CAPG: variants seen among roughly 807,000 people sequenced by gnomAD.
CAPG encodes the protein capping actin protein, gelsolin like, also known as macrophage-capping protein.
CAPG carries 32 observed loss-of-function variants against 44.6 expected under a neutral mutation model. The observed-to-expected ratio is 0.72, with a 90% CI of 0.54 to 0.96. The LOEUF is 0.96. CAPG is among the 50% of genes least tolerant of loss of function. The pLI, the probability that CAPG is intolerant of heterozygous loss-of-function variation, is 0.00. For missense variants in CAPG, 412 were observed against 438.3 expected (o/e 0.94, Z 0.54); for synonymous variants, 175 against 179.6 (o/e 0.97, Z 0.20).
rs1424363139 is a variant in CAPG, at chr2:85,406,364, C to G, written c.-14+3953G>C. Among the ~76,000 whole-genome samples the G allele has an allele frequency of 2.0e-5, 3 of 152,150 alleles. No individual in the cohort carries two copies. The East Asian group carries it at 5.8e-4, about 29-fold the overall frequency. ...TTTGCTTGGCCAAACTTTAACTAGG[C>G]TTCTGAACCACCCCGTAGGCCCATC... On this transcript the variant is annotated intron_variant, in intron 1 of 9. Transcript: ENST00000263867.
Position 85,397,994 on chromosome 2 carries a change from C to G in CAPG, c.892+26G>C, listed in dbSNP as rs1686685384. On this transcript the variant is annotated intron_variant, in intron 8 of 9. Coordinates refer to ENST00000263867, the MANE Select transcript of CAPG (RefSeq NM_001747.4). The stretch of plus-strand genomic sequence containing the variant: ...CGGGTCAGAGCAGCTACAGGCATCT[C>G]AGGCTGTTACAGAGGAGCCACGTAC... 3.1e-6 allele frequency: 5 copies of G among 1,609,532 alleles called. No homozygotes were observed. The African/African-American group carries it at 4.0e-5, about 13-fold the overall frequency.
chr2:85,418,452 C>G (rs1432831349), upstream of CAPG: 1 of 152,284 alleles, frequency 6.6e-6, no homozygotes, highest in Non-Finnish European at 1.5e-5. Flanking sequence ...CGGCCCCAGC[C>G]TGGGCCCTAG....
chr2:85,406,327 T>C (rs1687153207), intron 1 of CAPG, among the ~76,000 whole-genome samples: 1 of 152,044 alleles, frequency 6.6e-6, no homozygotes, highest in Non-Finnish European at 1.5e-5. Context: ...ATGTCGGTAC[T>C]GACAAAGATT....
chr2:85,398,664 T>TG (rs1686726808), intron 7 of CAPG, 26 bp downstream of exon 7: 1 of 1,564,652 alleles, frequency 6.4e-7, no homozygotes, highest in Non-Finnish European at 8.7e-7. Flanking sequence ...TGCTGCCGGG[T>TG]CCCAGGGCAG....
intron 1 of CAPG, among the ~76,000 whole-genome samples, chr2:85,417,780 G>A (rs1356259057): frequency 6.6e-6 from 1 of 151,992 alleles, no homozygotes; most frequent in Non-Finnish European, 1.5e-5. Context: ...CACTGCGCCC[G>A]GCCATACCCT....
Position 85,395,426 on chromosome 2 carries a change from G to T in CAPG, c.981+112C>A, listed in dbSNP as rs1311445557. On this transcript the variant is annotated intron_variant, in intron 9 of 9. Transcript: ENST00000263867. The surrounding 1 kb of genome is among the most constrained non-coding windows in gnomAD (Gnocchi z 4.3). ...CTGGATGGGTCTAAGAGGGAGGCCT[G>T]GTTGTTCCTGACAGTGCCCAAGGCT... The T allele has an allele frequency of 2.6e-6, 2 of 777,712 alleles. No homozygotes were observed. Among genetic ancestry groups the T allele is most frequent in the East Asian group, 2.7e-5 (1 of 37,468 alleles). The allele number at this position is 777,712 out of a possible 1,614,324, so 48.2% of individuals were successfully genotyped here.
rs1686542507 is a variant in CAPG, at chr2:85,395,368, T to C, written c.981+170A>G. The stretch of plus-strand genomic sequence containing the variant: ...TCCTCTTTGAAAATAATAAGTATTT[T>C]GACATTTTGAAGGATTGAGATGGGC... On this transcript the variant is annotated intron_variant, in intron 9 of 9. Coordinates refer to ENST00000263867, the MANE Select transcript of CAPG (RefSeq NM_001747.4). The surrounding 1 kb of genome is among the most constrained non-coding windows in gnomAD (Gnocchi z 4.3). 1.6e-6 allele frequency: 1 copy of C among 624,038 alleles called. No homozygotes were observed. Among genetic ancestry groups the C allele is most frequent in the East Asian group, 2.8e-5 (1 of 36,310 alleles). The allele number at this position is 624,038 out of a possible 1,614,324, so 38.7% of individuals were successfully genotyped here.
At position 85,395,727 on chromosome 2, in the gene CAPG, C is replaced by T. The variant is rs1357679534; in HGVS notation, c.893-101G>A. Reference sequence around the variant, plus strand: ...TTAAGGGAGTCCACAGAAGAGCCAGCAATTTTTACAATAAATGGACCAGGG... The same window carrying T: ...TTAAGGGAGTCCACAGAAGAGCCAGTAATTTTTACAATAAATGGACCAGGG... On this transcript the variant is annotated intron_variant, in intron 8 of 9. Coordinates refer to ENST00000263867, the MANE Select transcript of CAPG (RefSeq NM_001747.4). This position sits in a 1 kb window ranked among gnomAD's most constrained non-coding sequence, Gnocchi z 4.3. 2 of 751,104 alleles carry T rather than the reference C, an allele frequency of 2.7e-6. No individual in the cohort carries two copies. The highest frequency in any genetic ancestry group is 4.4e-5 in the Admixed American group (2 of 45,014). 46.5% of individuals were successfully genotyped at this position (751,104 alleles called of 1,614,324 possible).
chr2:85,415,585 A>AGG (rs1243852114), intron 1 of CAPG, among the ~76,000 whole-genome samples: 3 of 152,212 alleles, frequency 2.0e-5, no homozygotes, highest in Non-Finnish European at 4.4e-5. Flanking sequence ...ACCTCTAGCC[A>AGG]GGGACCGTGT....
intron 1 of CAPG, among the ~76,000 whole-genome samples, chr2:85,403,739 T>G (rs1437930375): frequency 6.6e-6 from 1 of 151,766 alleles, no homozygotes; most frequent in Non-Finnish European, 1.5e-5. Flanking sequence ...ATACAAAAAT[T>G]TGCTGGGTGT....
intron 5 of CAPG, among the ~76,000 whole-genome samples, chr2:85,400,643 C>A (rs1205484657): frequency 6.6e-6 from 1 of 152,160 alleles, no homozygotes; most frequent in Non-Finnish European, 1.5e-5. Flanking sequence ...GTGGCATCTC[C>A]CCTCCTATAG....
rs188317083 is a variant in CAPG, at chr2:85,407,170, A to G, written c.-14+3147T>C. 2.1e-4 allele frequency among the ~76,000 whole-genome samples: 32 copies of G among 152,002 alleles called. 1 individual carries two copies. The highest frequency in any genetic ancestry group is 7.7e-4 in the African/African-American group (32 of 41,458). On this transcript the variant is annotated intron_variant, in intron 1 of 9. Coordinates refer to ENST00000263867, the MANE Select transcript of CAPG (RefSeq NM_001747.4). ...GGTCTTGAACTCCTGACCTCCAGTG[A>G]TTGCCCACCTTGGCTTCCCAAAGTG...
chr2:85,407,001 G>A (rs1432367259), intron 1 of CAPG, among the ~76,000 whole-genome samples: 5 of 150,762 alleles, frequency 3.3e-5, no homozygotes, highest in South Asian at 2.1e-4. Context: ...CACAGTCTCA[G>A]CTCATTGCAA....
intron 4 of CAPG, 76 bp from the exon 5 acceptor site, chr2:85,401,405 G>T: frequency 6.3e-7 from 1 of 1,576,348 alleles, no homozygotes; most frequent in South Asian, 1.1e-5. Flanking sequence ...ACTGGAAGAC[G>T]GGCAGAAAGG....
chr2:85,395,747 C>T lies in CAPG; in HGVS notation c.893-121G>A. 1 of 670,316 alleles carries T rather than the reference C, an allele frequency of 1.5e-6. No homozygotes were observed. Among genetic ancestry groups the T allele is most frequent in the Admixed American group, 2.4e-5 (1 of 42,014 alleles). 41.5% of individuals were successfully genotyped at this position (670,316 alleles called of 1,614,324 possible). A position where few individuals can be genotyped will look rare whatever the true frequency, so the allele number is the denominator to read the frequency against. The stretch of plus-strand genomic sequence containing the variant: ...GCCAGCAATTTTTACAATAAATGGA[C>T]CAGGGGTCCCAAGAATGCCGAGGGG... On this transcript the variant is annotated intron_variant, in intron 8 of 9. Coordinates refer to ENST00000263867, the MANE Select transcript of CAPG (RefSeq NM_001747.4). The surrounding 1 kb of genome is among the most constrained non-coding windows in gnomAD (Gnocchi z 4.3).
chr2:85,418,327 G>T (rs1687618375), exon 1 of CAPG: 1 of 152,232 alleles, frequency 6.6e-6, no homozygotes, highest in South Asian at 2.1e-4. Flanking sequence ...AGTGCCACCG[G>T]GAGCCCAGCC....
intron 1 of CAPG, among the ~76,000 whole-genome samples, chr2:85,416,702 C>T (rs1424992863): frequency 6.6e-6 from 1 of 152,088 alleles, no homozygotes; most frequent in Non-Finnish European, 1.5e-5. Flanking sequence ...TTAGTAGAGA[C>T]AGGGTTTCAT....
chr2:85,410,714 G>A (rs3770102), upstream of CAPG, among the ~76,000 whole-genome samples: 1 of 152,048 alleles, frequency 6.6e-6, no homozygotes, highest in Non-Finnish European at 1.5e-5. Flanking sequence ...GGGCAGGCGC[G>A]GCACAGCCCC....
At chr2:85,414,328 A>G (rs1687502810), upstream of CAPG, among the ~76,000 whole-genome samples, 1 of 152,126 alleles carries the variant, frequency 6.6e-6, no homozygotes, top group Non-Finnish European at 1.5e-5. Context: ...CCTCACATCT[A>G]CTATCATTAT....
Sources: gnomAD v4.1 joint callset for allele counts (sites outside exome capture counted in the v4.1 genomes callset) on GRCh38, gnomAD v4.1.1 for gene constraint, Gnocchi (gnomAD v3.1) non-coding constraint, MANE v1.5 for transcripts, NCBI Gene and HGNC (gene_info 2026-07-23, HGNC 2026-07-21) for gene names.